The following CCDC180 variants were observed in gnomAD, a reference collection of about 807,000 sequenced individuals.
CCDC180 encodes the protein coiled-coil domain-containing protein 180.
Under a neutral mutation model 209.2 loss-of-function variants are expected in CCDC180, and 154 were observed. The observed-to-expected ratio is 0.74, with a 90% CI of 0.65 to 0.84. The LOEUF (loss-of-function observed/expected upper bound fraction) is 0.84. CCDC180 is among the 40% of genes least tolerant of loss of function. The pLI is 0.00. For missense variants in CCDC180, 1,874 were observed against 1,997.3 expected, an observed-to-expected ratio of 0.94 and a Z score of 1.18; for synonymous variants, 778 against 749.1, an observed-to-expected ratio of 1.04 and a Z score of -0.63.
In CCDC180 at chr9:97,371,599, G is replaced by A; in HGVS notation, c.4493G>A (p.Cys1498Tyr). 2 of 1,599,604 alleles carry A rather than the reference G, an allele frequency of 1.3e-6. No homozygotes were observed. The highest frequency in any genetic ancestry group is 1.1e-5 in the South Asian group (1 of 90,216). ...IRMNKEKLEE[C>Y]TRRNGQVFIT... ...TGCTCACCATGTTTTTTCCAGGAAT[G>A]TACCAGAAGGAATGGCCAGGTTTTC... Residue 1498 changes from cysteine (C) to tyrosine (Y), a missense_variant, in exon 34 of 37, where the codon TGT (cysteine) becomes TAT (tyrosine). Physicochemically the swap from Cys to Tyr is radical, Grantham distance 194. Transcript: ENST00000529487.
intron 2 of CCDC180, 29 bp downstream of exon 2, chr9:97,308,161 T>A (rs1204868341): frequency 6.5e-7 from 1 of 1,535,412 alleles, no homozygotes; most frequent in Non-Finnish European, 8.8e-7. Flanking sequence ...CCCGCTTTTC[T>A]CCATCCCCCT....
intron 14 of CCDC180, 77 bp from the exon 15 acceptor site, chr9:97,326,477 G>A (rs1156746207): frequency 7.2e-6 from 6 of 836,804 alleles, no homozygotes; most frequent in Non-Finnish European, 1.0e-5. Context: ...CCAGCAGCAG[G>A]GTCCCTGCAG....
At chr9:97,335,868 T>G (rs1323500792) in intron 18 of CCDC180, among the ~76,000 whole-genome samples, 2 of 152,236 alleles carry the variant, frequency 1.3e-5, no homozygotes, top group African/African-American at 4.8e-5. Flanking sequence ...ATGATTGCCA[T>G]TCTAACTGGT....
At chr9:97,307,364 C>T (rs1329376617), upstream of CCDC180, 8 of 499,766 alleles carry the variant, frequency 1.6e-5, no homozygotes, top group Non-Finnish European at 2.7e-5. Flanking sequence ...CCCTGGCTGC[C>T]TTGAGAGGTG....
intron 11 of CCDC180, 143 bp downstream of exon 11, chr9:97,320,348 T>C: frequency 2.7e-6 from 2 of 738,240 alleles, no homozygotes; most frequent in Non-Finnish European, 4.6e-6. Flanking sequence ...CTCTGAGGGC[T>C]CAAAAGGCCC....
Position 97,325,085 on chromosome 9 carries a change from G to A in CCDC180, c.1438G>A (p.Glu480Lys), listed in dbSNP as rs1357096655. The change falls in exon 14 of 37, where the codon GAG becomes AAG. Residue 480 changes from glutamate (E) to lysine (K), a missense_variant. Transcript: ENST00000529487. ...TTCACACCTCTTCAAGTATTTCCAGGAGGTGGTACAACTGTGGGAGGCACA... is the reference window on the plus strand; with the variant it reads ...TTCACACCTCTTCAAGTATTTCCAGAAGGTGGTACAACTGTGGGAGGCACA... ...QSSHLFKYFQ[E>K]VVQLWEAHQS... is the part of the protein sequence containing the mutation. 6.2e-7 allele frequency: 1 copy of A among 1,613,956 alleles called. No homozygotes were observed. The highest frequency in any genetic ancestry group is 1.7e-5 in the Admixed American group (1 of 59,988).
Position 97,323,814 on chromosome 9 carries a change from G to C in CCDC180, c.1282G>C (p.Glu428Gln). 3.2e-6 allele frequency: 5 copies of C among 1,557,862 alleles called. No homozygotes were observed. The highest frequency in any genetic ancestry group is 4.3e-6 in the Non-Finnish European group (5 of 1,150,124). ...GCTGGACTGGAAAGCCTTCACTGAG[G>C]AGGAGGCAGAGACCCTGGTGAACCA... ...QLLDWKAFTEEEAETLVNQFF... is the reference protein window; with the variant it reads ...QLLDWKAFTEQEAETLVNQFF... The change falls in exon 13 of 37, where the codon GAG (glutamate) becomes CAG (glutamine). Residue 428 changes from glutamate (E) to glutamine (Q), a missense_variant. Physicochemically the swap from Glu to Gln is conservative, Grantham distance 29. Coordinates refer to ENST00000529487, the MANE Select transcript of CCDC180 (RefSeq NM_020893.6).
Position 97,317,055 on chromosome 9 carries a change from G to A in CCDC180, c.796-10G>A. ...GCCCTGTCTAGAGCCCTGCCCATCT[G>A]TGACCACAGGTCATGAACTATGCCC... On this transcript the variant is annotated splice_polypyrimidine_tract_variant and intron_variant, in intron 8 of 36. Transcript: ENST00000529487. 6.2e-7 allele frequency: 1 copy of A among 1,604,098 alleles called. No homozygotes were observed. Among genetic ancestry groups the A allele is most frequent in the Non-Finnish European group, 8.5e-7 (1 of 1,172,968 alleles).
chr9:97,351,844 G>A (rs183437739), intron 22 of CCDC180, among the ~76,000 whole-genome samples: 4 of 152,272 alleles, frequency 2.6e-5, no homozygotes, highest in Admixed American at 2.6e-4. Context: ...CAGGCACAGT[G>A]GTTCATGCCA....
At position 97,362,411 on chromosome 9, in the gene CCDC180, T is replaced by C. The variant is rs768333711; in HGVS notation, c.3872T>C (p.Val1291Ala). The change falls in exon 28 of 37, where the codon GTA becomes GCA. Residue 1291 changes from valine (V) to alanine (A), a missense_variant. Val to Ala is a moderately conservative substitution (Grantham distance 64). Transcript: ENST00000529487. The part of the protein sequence containing the change: ...CQPENSGKKA[V>A]PSASATSAGS... Reference sequence around the variant, plus strand: ...CCAGAAAACTCTGGGAAGAAGGCTGTACCCAGTGCCAGTGCTACCTCTGCA... The same window carrying C: ...CCAGAAAACTCTGGGAAGAAGGCTGCACCCAGTGCCAGTGCTACCTCTGCA... 1.9e-6 allele frequency: 3 copies of C among 1,614,116 alleles called. No individual in the cohort carries two copies. The highest frequency in any genetic ancestry group is 2.5e-6 in the Non-Finnish European group (3 of 1,180,016).
intron 11 of CCDC180, among the ~76,000 whole-genome samples, chr9:97,321,243 T>C (rs1047090438): frequency 4.6e-5 from 7 of 152,230 alleles, no homozygotes; most frequent in South Asian, 2.1e-4. Flanking sequence ...ATGGTGGATT[T>C]ATTGGGACAT....
chr9:97,348,247 C>T (rs1410842555), intron 20 of CCDC180, among the ~76,000 whole-genome samples: 1 of 152,102 alleles, frequency 6.6e-6, no homozygotes, highest in African/African-American at 2.4e-5. Flanking sequence ...CATGCAAACT[C>T]CTATTCCTGG....
In CCDC180 at chr9:97,309,548, GA is replaced by G; in HGVS notation, c.206del (p.Lys69SerfsTer48). ...GGGAGGTGATGTCTCCCCGACAGCAGAAGTGGATGCACAGCCTCCCCAACGA... is the reference window on the plus strand; with the variant it reads ...GGGAGGTGATGTCTCCCCGACAGCAGAGTGGATGCACAGCCTCCCCAACGA... ...EGEVMSPRQQ[K>X]WMHSLPNDWI... On this transcript the variant is annotated frameshift_variant, in exon 3 of 37. Coordinates refer to ENST00000529487, the MANE Select transcript of CCDC180 (RefSeq NM_020893.6). LOFTEE classifies it high-confidence loss of function. 1 of 1,595,840 alleles carries G rather than the reference GA, an allele frequency of 6.3e-7. No homozygotes were observed.
At chr9:97,345,260 CT>C (rs948731504) in intron 19 of CCDC180, among the ~76,000 whole-genome samples, 35 of 152,224 alleles carry the variant, frequency 2.3e-4, no homozygotes, top group Admixed American at 9.2e-4. Context: ...CCATATCCGT[CT>C]TTAGGAGATA....
intron 19 of CCDC180, among the ~76,000 whole-genome samples, chr9:97,346,930 A>C (rs1260711331): frequency 6.6e-6 from 1 of 152,156 alleles, no homozygotes; most frequent in East Asian, 1.9e-4. Flanking sequence ...AATATAACAA[A>C]ATTGTCAAAT....
At chr9:97,322,472 C>T (rs906385023) in intron 11 of CCDC180, among the ~76,000 whole-genome samples, 1 of 152,156 alleles carries the variant, frequency 6.6e-6, no homozygotes, top group Non-Finnish European at 1.5e-5. Context: ...TAGTGCATTC[C>T]GTTTTTCAGG....
At chr9:97,374,709 T>TC in intron 35 of CCDC180, 61 bp downstream of exon 35, 1 of 1,373,898 alleles carries the variant, frequency 7.3e-7, no homozygotes, top group Non-Finnish European at 1.0e-6. Context: ...GGTGGTGCAG[T>TC]GTAATGGTTA....
At chr9:97,307,839 C>T (rs1201506744) in intron 1 of CCDC180, 33 bp downstream of exon 1, 2 of 1,613,064 alleles carry the variant, frequency 1.2e-6, no homozygotes, top group East Asian at 4.5e-5. Flanking sequence ...AAGTTAAAAC[C>T]CTAAGTCGAC....
chr9:97,348,997 G>C, intron 20 of CCDC180, 114 bp from the exon 21 acceptor site: 1 of 1,009,046 alleles, frequency 9.9e-7, no homozygotes, highest in Non-Finnish European at 1.4e-6. Flanking sequence ...GACCTGAATT[G>C]TTCCTGTTCT....
Sources: gnomAD v4.1 joint callset for allele counts (sites outside exome capture counted in the v4.1 genomes callset) on GRCh38, gnomAD v4.1.1 for gene constraint, MANE v1.5 for transcripts, NCBI Gene and HGNC (gene_info 2026-07-23, HGNC 2026-07-21) for gene names.